The following LRBA variants were observed in gnomAD, a reference collection of about 807,000 sequenced individuals.
LRBA encodes the protein LPS responsive beige-like anchor protein.
Under a neutral mutation model 330.0 loss-of-function variants are expected in LRBA, and 176 were observed. The observed-to-expected ratio is 0.53, with a 90% confidence interval of 0.47 to 0.60. The LOEUF (loss-of-function observed/expected upper bound fraction) is 0.60, where lower values mean the gene tolerates loss of function less well. Ranked by LOEUF, LRBA falls within the 20% of genes least tolerant of loss-of-function variation. The probability of loss-of-function intolerance (pLI) is 0.00; values close to 1 mark genes in which losing one functional copy is unlikely to be tolerated. For missense variants in LRBA, 3,259 were observed against 3,444.8 expected (o/e 0.95, Z 1.35); for synonymous variants, 1,230 against 1,193.0 (o/e 1.03, Z -0.64).
chr4:150,659,759 G>A (rs1318485104), intron 37 of LRBA, among the ~76,000 whole-genome samples: 8 of 13,950 alleles, frequency 5.7e-4, no homozygotes, highest in Admixed American at 1.3e-3. Flanking sequence ...CAGCCGCCCC[G>A]TCCGGGAGGT....
In LRBA at chr4:150,908,436, T is replaced by TG; in HGVS notation, c.1390dup (p.Gln464ProfsTer28). 6.2e-7 allele frequency: 1 copy of TG among 1,606,088 alleles called. No homozygotes were observed. Among genetic ancestry groups the TG allele is most frequent in the East Asian group, 2.2e-5 (1 of 44,800 alleles). On this transcript the variant is annotated frameshift_variant, in exon 11 of 57. Coordinates refer to ENST00000651943, the MANE Select transcript of LRBA (RefSeq NM_001364905.1). LOFTEE classifies it high-confidence loss of function. The stretch of plus-strand genomic sequence containing the variant: ...TCCTCCAATTGAATGCATTGCACTT[T>TG]GGATGGAATGTGTTAAAACTGCCTT...
In LRBA at chr4:150,985,599, C is replaced by T. The variant is rs527266830; in HGVS notation, c.216+28828G>A. Among the ~76,000 whole-genome samples the T allele has an allele frequency of 1.2e-4, 18 of 151,664 alleles. No individual in the cohort carries two copies. The South Asian group carries it at 2.9e-3, about 25-fold the overall frequency. On this transcript the variant is annotated intron_variant, in intron 2 of 56. Coordinates refer to ENST00000651943, the MANE Select transcript of LRBA (RefSeq NM_001364905.1). Reference sequence around the variant, plus strand: ...CTGCAAGTTCCGCCTCCCGGGTTCACGCCGTTCTCCTGCCTCAGCCTCCCG... The same window carrying T: ...CTGCAAGTTCCGCCTCCCGGGTTCATGCCGTTCTCCTGCCTCAGCCTCCCG...
rs75497336 is a variant in LRBA, at chr4:150,566,874, G to A, written c.6330+21174C>T. Reference sequence around the variant, plus strand: ...AAATCAGAAATTGAAATTGATGTCAGTTTATTTCTGAGAGCTTAATATATT... The same window carrying A: ...AAATCAGAAATTGAAATTGATGTCAATTTATTTCTGAGAGCTTAATATATT... On this transcript the variant is annotated intron_variant, in intron 40 of 56. Transcript: ENST00000651943. Among the ~76,000 whole-genome samples, 467 of 152,188 alleles carry A rather than the reference G, an allele frequency of 3.1e-3. 3 individuals are homozygous for A. The highest frequency in any genetic ancestry group is 0.011 in the African/African-American group (451 of 41,550).
intron 2 of LRBA, among the ~76,000 whole-genome samples, chr4:150,973,525 CTACATT>C (rs1739817267): frequency 6.6e-6 from 1 of 152,114 alleles, no homozygotes; most frequent in African/African-American, 2.4e-5. Context: ...CAATCTTGTT[CTACATT>C]AATATTTCAA....
At chr4:150,573,171 AG>A (rs963381317) in intron 40 of LRBA, among the ~76,000 whole-genome samples, 3 of 152,166 alleles carry the variant, frequency 2.0e-5, no homozygotes, top group African/African-American at 4.8e-5. Flanking sequence ...ATCTACTGAC[AG>A]GTTAAACAAA....
chr4:150,503,162 C>A (rs1304356449), intron 40 of LRBA, among the ~76,000 whole-genome samples: 3 of 152,242 alleles, frequency 2.0e-5, no homozygotes, highest in African/African-American at 7.2e-5. Flanking sequence ...GCAGTAACCT[C>A]TGCAGACTTA....
intron 47 of LRBA, among the ~76,000 whole-genome samples, chr4:150,404,295 A>T (rs186720116): frequency 6.6e-6 from 1 of 152,326 alleles, no homozygotes; most frequent in Admixed American, 6.5e-5. Flanking sequence ...TCTGCACAAT[A>T]CCATCTCAAG....
chr4:150,750,956 T>C (rs948018972), intron 35 of LRBA, among the ~76,000 whole-genome samples: 1 of 151,912 alleles, frequency 6.6e-6, no homozygotes, highest in Non-Finnish European at 1.5e-5. Context: ...TGCTTCTTTT[T>C]ATTTTAATAA....
intron 40 of LRBA, among the ~76,000 whole-genome samples, chr4:150,569,214 C>T (rs1432761407): frequency 6.6e-6 from 1 of 151,952 alleles, no homozygotes; most frequent in Non-Finnish European, 1.5e-5. Context: ...TCTAAAGAGC[C>T]TTCAGATGTA....
At chr4:150,404,156 C>T (rs1157667641) in intron 47 of LRBA, among the ~76,000 whole-genome samples, 1 of 152,166 alleles carries the variant, frequency 6.6e-6, no homozygotes, top group Non-Finnish European at 1.5e-5. Context: ...AGATTCTGAA[C>T]TCCAAAGGGC....
chr4:150,699,154 C>T (rs1341498722), intron 36 of LRBA, among the ~76,000 whole-genome samples: 4 of 152,072 alleles, frequency 2.6e-5, no homozygotes, highest in Non-Finnish European at 5.9e-5. Flanking sequence ...ATCCTGAACT[C>T]GAGAAAGAAT....
intron 40 of LRBA, among the ~76,000 whole-genome samples, chr4:150,572,178 A>G (rs1404294182): frequency 6.6e-6 from 1 of 152,136 alleles, no homozygotes; most frequent in African/African-American, 2.4e-5. Flanking sequence ...ATCAGAAGCA[A>G]GTACAATTCA....
chr4:150,661,935 A>G (rs1037394876), intron 37 of LRBA, among the ~76,000 whole-genome samples: 1 of 152,056 alleles, frequency 6.6e-6, no homozygotes, highest in Admixed American at 6.6e-5. Context: ...TTTTATTTTT[A>G]AATACTTGAA....
At chr4:150,885,200 C>CAA (rs34720483) in intron 17 of LRBA, among the ~76,000 whole-genome samples, 1 of 114,506 alleles carries the variant, frequency 8.7e-6, no homozygotes, top group East Asian at 2.4e-4. Flanking sequence ...ACAAGAGTTC[C>CAA]AAAAAAAAAA....
At chr4:150,489,150 T>TAAGA (rs1452823523) in intron 41 of LRBA, among the ~76,000 whole-genome samples, 1 of 117,408 alleles carries the variant, frequency 8.5e-6, no homozygotes, top group Non-Finnish European at 1.6e-5. Context: ...ATATAATATA[T>TAAGA]CAGAATATAT....
rs77108877 is a variant in LRBA at position 150,388,685 on chromosome 4, A to C, written c.7194+26753T>G. ...TTGGGAGCATTAAGTGAGATTACAT[A>C]CAATAAAGTGCTTAAACTAGTTCAT... On this transcript the variant is annotated intron_variant, in intron 47 of 56. Transcript: ENST00000651943. Among the ~76,000 whole-genome samples, 641 of 152,340 alleles carry C rather than the reference A, an allele frequency of 4.2e-3. 2 individuals are homozygous for C. Among genetic ancestry groups the C allele is most frequent in the Non-Finnish European group, 6.9e-3 (471 of 68,036 alleles).
intron 34 of LRBA, among the ~76,000 whole-genome samples, chr4:150,773,615 A>C (rs191911480): frequency 1.6e-3 from 244 of 152,368 alleles, no homozygotes; most frequent in Non-Finnish European, 2.9e-3. Context: ...CCTTCCAGAA[A>C]TACAGTATTG....
intron 27 of LRBA, 123 bp from the exon 28 acceptor site, chr4:150,844,330 C>T (rs1749538845): frequency 1.8e-6 from 1 of 558,842 alleles, no homozygotes; most frequent in African/African-American, 1.9e-5. Context: ...TTCCTTTCCC[C>T]ACTTTTTTTG....
At chr4:150,870,639 A>G (rs1753314152) in intron 19 of LRBA, 33 bp from the exon 20 acceptor site, 1 of 986,746 alleles carries the variant, frequency 1.0e-6, no homozygotes, top group African/African-American at 1.6e-5. Flanking sequence ...TACATTAGCA[A>G]ATCACTGGAT....
Sources: allele counts gnomAD v4.1 joint callset (sites outside exome capture counted in the v4.1 genomes callset), GRCh38; gene constraint gnomAD v4.1.1; transcripts MANE v1.5; gene names NCBI Gene and HGNC (gene_info 2026-07-23, HGNC 2026-07-21).